The following MBTD1 variants were observed in gnomAD, a reference collection of about 807,000 sequenced individuals.
MBTD1 encodes MBT domain-containing protein 1.
In MBTD1, 24 loss-of-function variants were observed where a neutral mutation model predicts 87.8. The observed-to-expected ratio is 0.27, with a 90% CI of 0.20 to 0.38. The LOEUF is 0.38. MBTD1 is among the 10% of genes least tolerant of loss of function. MBTD1 has a pLI of 1.00. For synonymous variants in MBTD1, 237 were observed against 248.6 expected, an observed-to-expected ratio of 0.95 and a Z score of 0.44; for missense variants, 436 against 760.2, an observed-to-expected ratio of 0.57 and a Z score of 5.02.
chr17:51,240,390 T>G (rs1372483969), intron 2 of MBTD1, among the ~76,000 whole-genome samples: 5 of 152,236 alleles, frequency 3.3e-5, no homozygotes, highest in African/African-American at 1.2e-4. Context: ...ATTATTTAAG[T>G]TGTCATACAG....
Position 51,225,179 on chromosome 17 carries a change from T to C in MBTD1, c.-18A>G, listed in dbSNP as rs1228779875. 6 of 1,532,214 alleles carry C rather than the reference T, an allele frequency of 3.9e-6. No individual in the cohort carries two copies. The East Asian group carries it at 9.9e-5, about 25-fold the overall frequency. 94.9% of individuals were successfully genotyped at this position (1,532,214 alleles called of 1,614,324 possible). ...TCAAACATCCCGAAAGAATCTCTTCTTTTCCTTTCAGATCGTGAAGAATGT... is the reference window on the plus strand; with the variant it reads ...TCAAACATCCCGAAAGAATCTCTTCCTTTCCTTTCAGATCGTGAAGAATGT... On this transcript the variant is annotated 5_prime_UTR_variant, in exon 3 of 17. Coordinates refer to ENST00000586178, the MANE Select transcript of MBTD1 (RefSeq NM_017643.3).
At chr17:51,200,973 C>A (rs1568167421) in intron 12 of MBTD1, among the ~76,000 whole-genome samples, 1 of 151,964 alleles carries the variant, frequency 6.6e-6, no homozygotes, top group Non-Finnish European at 1.5e-5. Flanking sequence ...CCTAGGGAGA[C>A]CCTGTACCTA....
chr17:51,196,488 C>G (rs897904070), intron 12 of MBTD1, among the ~76,000 whole-genome samples: 1 of 151,884 alleles, frequency 6.6e-6, no homozygotes, highest in African/African-American at 2.4e-5. Flanking sequence ...CCAGGCTGCC[C>G]CCCCTTTTTA....
chr17:51,222,862 G>A (rs146020411), intron 3 of MBTD1, among the ~76,000 whole-genome samples: 4 of 148,844 alleles, frequency 2.7e-5, no homozygotes, highest in South Asian at 2.2e-4. Flanking sequence ...GTGCAGTGGC[G>A]TGATCTCAGC....
At chr17:51,221,963 C>T (rs1297935597) in intron 3 of MBTD1, among the ~76,000 whole-genome samples, 2 of 152,160 alleles carry the variant, frequency 1.3e-5, no homozygotes, top group Non-Finnish European at 2.9e-5. Context: ...CAGAAGATTG[C>T]AGGTGAACAA....
intron 2 of MBTD1, among the ~76,000 whole-genome samples, chr17:51,252,270 AT>A (rs994511895): frequency 6.6e-6 from 1 of 152,182 alleles, no homozygotes; most frequent in Admixed American, 6.5e-5. Flanking sequence ...ATGAACACTA[AT>A]AATATGAATC....
In MBTD1 at chr17:51,180,335, C is replaced by G. The variant is rs1010105173; in HGVS notation, c.*241G>C. On this transcript the variant is annotated 3_prime_UTR_variant, in exon 17 of 17. Coordinates refer to ENST00000586178, the MANE Select transcript of MBTD1 (RefSeq NM_017643.3). ...ATAAATCCAAACTTGGAAAATATTA[C>G]AAAATTCTTTCAAAAGCTTCAAATA... The G allele has an allele frequency of 5.3e-6, 2 of 380,448 alleles. No individual in the cohort carries two copies. Among genetic ancestry groups the G allele is most frequent in the Non-Finnish European group, 9.3e-6 (2 of 214,804 alleles). 23.6% of individuals were successfully genotyped at this position (380,448 alleles called of 1,614,324 possible). A position where few individuals can be genotyped will look rare whatever the true frequency, so the allele number is the denominator to read the frequency against.
chr17:51,218,924 T>C lies in MBTD1; in HGVS notation c.403+6A>G, dbSNP rs1339930687. On this transcript the variant is annotated splice_donor_region_variant and intron_variant, in intron 5 of 16. Coordinates refer to ENST00000586178, the MANE Select transcript of MBTD1 (RefSeq NM_017643.3). ...ATTTCACCTCTGTCAGATTCACCAA[T>C]ATTACCTGCTTTTGTCTTTGCTTGA... 5 of 1,500,958 alleles carry C rather than the reference T, an allele frequency of 3.3e-6. No homozygotes were observed. The Admixed American group carries it at 7.9e-5, about 24-fold the overall frequency. 93.0% of individuals were successfully genotyped at this position (1,500,958 alleles called of 1,614,324 possible).
intron 16 of MBTD1, chr17:51,184,307 T>A (rs2050440256): frequency 6.6e-6 from 1 of 152,248 alleles, no homozygotes; most frequent in African/African-American, 2.4e-5. Flanking sequence ...ATGCCTTTTC[T>A]TTTCTCAGCT....
intron 2 of MBTD1, 48 bp downstream of exon 2, chr17:51,259,095 T>G: frequency 2.4e-6 from 1 of 412,788 alleles, no homozygotes; most frequent in Non-Finnish European, 4.2e-6. Flanking sequence ...TGGGCAGTAG[T>G]GAGCTCTCAG....
At chr17:51,232,881 AT>A (rs1169047541) in intron 2 of MBTD1, among the ~76,000 whole-genome samples, 1 of 151,714 alleles carries the variant, frequency 6.6e-6, no homozygotes, top group Non-Finnish European at 1.5e-5. Context: ...CTACAAAAAA[AT>A]AAAAATAAAA....
intron 2 of MBTD1, among the ~76,000 whole-genome samples, chr17:51,254,473 C>T (rs902227947): frequency 6.6e-6 from 1 of 151,990 alleles, no homozygotes; most frequent in African/African-American, 2.4e-5. Context: ...TCTGAATAAC[C>T]CATCTAAAGA....
chr17:51,260,600 A>G (rs2055421780), upstream of MBTD1: 2 of 1,612,272 alleles, frequency 1.2e-6, no homozygotes, highest in African/African-American at 2.7e-5. Flanking sequence ...GCCGGAGCGG[A>G]GGAGACGAAT....
chr17:51,181,174 C>T (rs142830277), intron 16 of MBTD1, among the ~76,000 whole-genome samples: 3,102 of 152,010 alleles, frequency 0.02, 57 homozygotes, highest in Middle Eastern at 0.048. Flanking sequence ...CTACAGGCAC[C>T]CACCACCACG....
At chr17:51,217,441 A>C in intron 5 of MBTD1, 25 bp from the exon 6 acceptor site, 2 of 1,114,802 alleles carry the variant, frequency 1.8e-6, no homozygotes, top group Non-Finnish European at 2.6e-6. Context: ...ATTTAGATGT[A>C]TTATAATTCT....
intron 7 of MBTD1, among the ~76,000 whole-genome samples, chr17:51,204,841 AG>A (rs1166087559): frequency 1.3e-5 from 2 of 152,206 alleles, no homozygotes; most frequent in African/African-American, 4.8e-5. Context: ...CCAGCTGCTT[AG>A]GTGGCCAATT....
chr17:51,239,005 CAGG>C (rs2054010310), intron 2 of MBTD1, among the ~76,000 whole-genome samples: 1 of 151,752 alleles, frequency 6.6e-6, no homozygotes, highest in African/African-American at 2.4e-5. Context: ...GAGGCAGAGG[CAGG>C]AGAACTGCTT....
chr17:51,198,030 A>G (rs1005991342), intron 12 of MBTD1, among the ~76,000 whole-genome samples: 1 of 152,146 alleles, frequency 6.6e-6, no homozygotes, highest in Non-Finnish European at 1.5e-5. Flanking sequence ...AAGTTTTATC[A>G]TGAGTTTGCC....
At chr17:51,209,458 G>A (rs749235720) in intron 6 of MBTD1, 6 of 471,044 alleles carry the variant, frequency 1.3e-5, no homozygotes, top group Non-Finnish European at 2.6e-5. Context: ...ATCAGGTCCT[G>A]CAGGACATGG....
Sources: gnomAD v4.1 joint callset for allele counts (sites outside exome capture counted in the v4.1 genomes callset) on GRCh38, gnomAD v4.1.1 for gene constraint, MANE v1.5 for transcripts, NCBI Gene and HGNC (gene_info 2026-07-23, HGNC 2026-07-21) for gene names.